TANC1: variants seen among roughly 807,000 people sequenced by gnomAD.
TANC1 encodes protein TANC1.
In TANC1, 77 loss-of-function variants were observed where a neutral mutation model predicts 149.7. The ratio of observed to expected loss-of-function variants is 0.51; its 90% CI spans 0.43 to 0.62. The LOEUF (loss-of-function observed/expected upper bound fraction) is 0.62, where lower values mean the gene tolerates loss of function less well. Among genes scored for constraint, TANC1 ranks in the 20% least tolerant of loss-of-function variants. TANC1 has a pLI of 0.00. For missense variants in TANC1, 1,985 were observed against 2,321.8 expected (o/e 0.85, Z 2.98); for synonymous variants, 854 against 925.0 (o/e 0.92, Z 1.39).
intron 2 of TANC1, among the ~76,000 whole-genome samples, chr2:159,058,766 T>C (rs2042029481): frequency 1.3e-5 from 2 of 152,218 alleles, no homozygotes; most frequent in African/African-American, 4.8e-5. Context: ...CAAGTACTTA[T>C]CAAAATACTA....
chr2:159,060,822 AT>A, intron 2 of TANC1, among the ~76,000 whole-genome samples: 1 of 152,182 alleles, frequency 6.6e-6, no homozygotes, highest in East Asian at 1.9e-4. Context: ...CATGGTTCTG[AT>A]ATTGCCATTG....
chr2:159,156,212 A>T (rs1372056280), intron 7 of TANC1, among the ~76,000 whole-genome samples: 1 of 152,192 alleles, frequency 6.6e-6, no homozygotes, highest in Non-Finnish European at 1.5e-5. Context: ...GACTGTTTCA[A>T]GTCTGGGTTA....
At chr2:159,140,378 G>A (rs1210719070) in intron 5 of TANC1, among the ~76,000 whole-genome samples, 3 of 152,172 alleles carry the variant, frequency 2.0e-5, no homozygotes, top group African/African-American at 7.2e-5. Context: ...GGTTGAATGA[G>A]GTTTTATTTG....
intron 7 of TANC1, among the ~76,000 whole-genome samples, chr2:159,154,156 G>T (rs1447382876): frequency 1.3e-5 from 2 of 152,202 alleles, no homozygotes; most frequent in African/African-American, 2.4e-5. Flanking sequence ...CCGAGGCCTT[G>T]CAAGCTTTGG....
In TANC1 at chr2:159,124,480, A is replaced by G. The variant is rs375735335; in HGVS notation, c.260-11714A>G. On this transcript the variant is annotated intron_variant, in intron 4 of 26. Coordinates refer to ENST00000263635, the MANE Select transcript of TANC1 (RefSeq NM_033394.3). ...AGGGGCTGGTCTGAACCCACAGGGA[A>G]AGAAAATTCTCAAGGATCCTGCCTT... Among the ~76,000 whole-genome samples, 13 of 152,240 alleles carry G rather than the reference A, an allele frequency of 8.5e-5. No homozygotes were observed. The East Asian group carries it at 2.1e-3, about 25-fold the overall frequency.
rs147188079 is a variant in TANC1, at chr2:159,203,904, T to G, written c.3244+4851T>G. 1.3e-3 allele frequency among the ~76,000 whole-genome samples: 198 copies of G among 152,196 alleles called. 4 individuals are homozygous for G. In the East Asian group the frequency reaches 0.033, roughly 25 times the overall value. On this transcript the variant is annotated intron_variant, in intron 19 of 26. Transcript: ENST00000263635. ...TCATGGGCTTTGTGAAGGCAGAAAT[T>G]TCCCTGTCTCTTGTCCACACCATTG... is the stretch of plus-strand genomic sequence containing the variant.
chr2:159,128,064 G>A (rs1031499414), intron 4 of TANC1, among the ~76,000 whole-genome samples: 2 of 152,176 alleles, frequency 1.3e-5, no homozygotes, highest in East Asian at 1.9e-4. Context: ...GGTGACTTTT[G>A]TGTTTTCTTC....
At chr2:159,191,051 C>T (rs769882416) in intron 16 of TANC1, among the ~76,000 whole-genome samples, 59 of 152,192 alleles carry the variant, frequency 3.9e-4, no homozygotes, top group Admixed American at 2.6e-3. Flanking sequence ...TCATCCATTC[C>T]TCCACAAGTA....
At chr2:158,973,201 A>G (rs1370389195) in intron 1 of TANC1, among the ~76,000 whole-genome samples, 1 of 152,066 alleles carries the variant, frequency 6.6e-6, no homozygotes, top group Admixed American at 6.6e-5. Flanking sequence ...ATTAGGGGAA[A>G]CCTTCCAGTT....
At position 159,001,569 on chromosome 2, in the gene TANC1, T is replaced by C. The variant is rs1306074297; in HGVS notation, c.-16+380T>C. On this transcript the variant is annotated intron_variant, in intron 2 of 26. Coordinates refer to ENST00000263635, the MANE Select transcript of TANC1 (RefSeq NM_033394.3). This position sits in a 1 kb window ranked among gnomAD's most constrained non-coding sequence, Gnocchi z 4.3. ...AAAACGTGGTGGAGGGAGGGAGTAA[T>C]AATCACTACCATTTATGAAACCCTT... 6.6e-6 allele frequency among the ~76,000 whole-genome samples: 1 copy of C among 151,962 alleles called. No homozygotes were observed. The highest frequency in any genetic ancestry group is 2.1e-4 in the South Asian group (1 of 4,814).
At chr2:159,032,104 T>C (rs1263727037) in intron 2 of TANC1, among the ~76,000 whole-genome samples, 2 of 152,128 alleles carry the variant, frequency 1.3e-5, no homozygotes, top group East Asian at 3.8e-4. Flanking sequence ...ATTGGTGACT[T>C]AGGAGGAGAT....
chr2:159,138,514 A>G (rs1274483060), intron 5 of TANC1, among the ~76,000 whole-genome samples: 1 of 152,224 alleles, frequency 6.6e-6, no homozygotes, highest in Non-Finnish European at 1.5e-5. Flanking sequence ...TATCCAGATC[A>G]CTGAACCCAA....
At chr2:159,024,827 G>A (rs1026487351) in intron 2 of TANC1, among the ~76,000 whole-genome samples, 1 of 151,988 alleles carries the variant, frequency 6.6e-6, no homozygotes, top group Non-Finnish European at 1.5e-5. Flanking sequence ...GATATGTTTA[G>A]ATAACACAAA....
intron 3 of TANC1, among the ~76,000 whole-genome samples, chr2:159,070,785 A>G (rs2043089901): frequency 1.3e-5 from 2 of 152,134 alleles, no homozygotes; most frequent in South Asian, 4.1e-4. Flanking sequence ...ATTGTGGAGG[A>G]TTCTTCAGTC....
At chr2:159,035,811 C>T (rs1209503711) in intron 2 of TANC1, among the ~76,000 whole-genome samples, 2 of 152,168 alleles carry the variant, frequency 1.3e-5, no homozygotes, top group Non-Finnish European at 2.9e-5. Flanking sequence ...GCTTTAAACT[C>T]AGAAAGGACT....
At chr2:159,003,736 C>G (rs1046672780) in intron 2 of TANC1, among the ~76,000 whole-genome samples, 2 of 152,206 alleles carry the variant, frequency 1.3e-5, no homozygotes, top group Non-Finnish European at 2.9e-5. Flanking sequence ...TCTGCTCCAG[C>G]TGCCGCTGCC....
At chr2:159,128,934 T>C (rs950696437) in intron 4 of TANC1, among the ~76,000 whole-genome samples, 1 of 152,202 alleles carries the variant, frequency 6.6e-6, no homozygotes, top group Non-Finnish European at 1.5e-5. Context: ...AGGTTCCCCC[T>C]GCCCCCAAAA....
At chr2:158,987,848 C>T (rs2035185472) in intron 1 of TANC1, among the ~76,000 whole-genome samples, 1 of 152,162 alleles carries the variant, frequency 6.6e-6, no homozygotes, top group South Asian at 2.1e-4. Context: ...CACTCTGAAT[C>T]TTGGGCGGGA....
chr2:159,123,152 G>A (rs926293441), intron 4 of TANC1, among the ~76,000 whole-genome samples: 1 of 152,188 alleles, frequency 6.6e-6, no homozygotes, highest in African/African-American at 2.4e-5. Context: ...GCAGGTAGAG[G>A]ATTCGCTGTG....
Sources: gnomAD v4.1 joint callset for allele counts (sites outside exome capture counted in the v4.1 genomes callset) on GRCh38, gnomAD v4.1.1 for gene constraint, Gnocchi (gnomAD v3.1) non-coding constraint, MANE v1.5 for transcripts, NCBI Gene and HGNC (gene_info 2026-07-23, HGNC 2026-07-21) for gene names.